NHSL1: variants seen among roughly 807,000 people sequenced by gnomAD.
NHSL1 encodes NHS like 1, also known as NHS-like protein 1.
A neutral mutation model predicts 95.0 loss-of-function variants in NHSL1; 48 were observed. The ratio of observed to expected loss-of-function variants is 0.51; its 90% CI spans 0.40 to 0.64. The LOEUF (loss-of-function observed/expected upper bound fraction) is 0.64. Ranked by LOEUF, NHSL1 falls within the 30% of genes least tolerant of loss-of-function variation. The pLI is 0.00. For missense variants in NHSL1, 1,971 were observed against 2,077.7 expected, an observed-to-expected ratio of 0.95 and a Z score of 1.00; for synonymous variants, 783 against 833.9, an observed-to-expected ratio of 0.94 and a Z score of 1.05.
chr6:138,569,642 C>A (rs1178222248), intron 1 of NHSL1, among the ~76,000 whole-genome samples: 2 of 152,192 alleles, frequency 1.3e-5, no homozygotes, highest in African/African-American at 4.8e-5. Flanking sequence ...CTCTTTTGAT[C>A]TGCTCACATA....
At chr6:138,584,200 T>A (rs1175319937) in intron 1 of NHSL1, among the ~76,000 whole-genome samples, 1 of 152,220 alleles carries the variant, frequency 6.6e-6, no homozygotes, top group East Asian at 1.9e-4. Context: ...GTATCTCTTA[T>A]AAACTAATTC....
rs1775069181 is a variant in NHSL1, at chr6:138,423,923, C to T, written c.*158G>A. ...CAAGTGCCAGGTGAGTCCTAAATAA[C>T]CGTTCACTCACACTGCAGGGCTGGC... On this transcript the variant is annotated 3_prime_UTR_variant, in exon 8 of 8. Coordinates refer to ENST00000343505, the MANE Select transcript of NHSL1 (RefSeq NM_001144060.2). 1 of 597,438 alleles carries T rather than the reference C, an allele frequency of 1.7e-6. No individual in the cohort carries two copies. Among genetic ancestry groups the T allele is most frequent in the Admixed American group, 4.1e-5 (1 of 24,614 alleles). 37.0% of individuals were successfully genotyped at this position (597,438 alleles called of 1,614,324 possible). A position where few individuals can be genotyped will look rare whatever the true frequency, so the allele number is the denominator to read the frequency against.
At chr6:138,672,742 G>T (rs1785389460) in intron 1 of NHSL1, among the ~76,000 whole-genome samples, 1 of 152,104 alleles carries the variant, frequency 6.6e-6, no homozygotes, top group African/African-American at 2.4e-5. Flanking sequence ...GTTTCAGCTG[G>T]GCGCAGTGGC....
upstream of NHSL1, among the ~76,000 whole-genome samples, chr6:138,547,823 C>A (rs907410228): frequency 2.0e-5 from 3 of 152,362 alleles, no homozygotes; most frequent in Admixed American, 1.3e-4. Context: ...CCACGGGACT[C>A]TCTCCATGGC....
intron 1 of NHSL1, among the ~76,000 whole-genome samples, chr6:138,667,580 G>A (rs1785311715): frequency 6.6e-6 from 1 of 152,308 alleles, no homozygotes; most frequent in African/African-American, 2.4e-5. Context: ...AAAAGAAAAG[G>A]AGGACAAAAT....
chr6:138,426,918 C>G (rs1268779635), intron 7 of NHSL1, among the ~76,000 whole-genome samples: 2 of 152,132 alleles, frequency 1.3e-5, no homozygotes, highest in Non-Finnish European at 2.9e-5. Flanking sequence ...CCTAACATCT[C>G]GAAACTGTAG....
rs557041603 is a variant in NHSL1, at chr6:138,466,127, C to T, written c.339+7179G>A. On this transcript the variant is annotated intron_variant, in intron 3 of 7. Coordinates refer to ENST00000343505, the MANE Select transcript of NHSL1 (RefSeq NM_001144060.2). The stretch of plus-strand genomic sequence containing the variant: ...CGATCTCAGCTCACTGCAAGCTCCG[C>T]CTCCCGGGTTCACGCCATCCTCCTG... 1.1e-3 allele frequency among the ~76,000 whole-genome samples: 171 copies of T among 151,492 alleles called. 5 individuals carry two copies. In the South Asian group the frequency reaches 0.034, roughly 30 times the overall value.
At chr6:138,478,466 T>C (rs369458349) in intron 2 of NHSL1, among the ~76,000 whole-genome samples, 8 of 152,214 alleles carry the variant, frequency 5.3e-5, no homozygotes, top group African/African-American at 1.9e-4. Context: ...CTAGAGGAAA[T>C]TCAGAAAATT....
chr6:138,573,086 C>G (rs370854649), upstream of NHSL1, among the ~76,000 whole-genome samples: 10 of 152,324 alleles, frequency 6.6e-5, no homozygotes, highest in South Asian at 1.9e-3. Flanking sequence ...TGCCGTATCA[C>G]TGGGAGCCCC....
At chr6:138,591,767 C>T (rs1284230772) in intron 1 of NHSL1, among the ~76,000 whole-genome samples, 7 of 152,078 alleles carry the variant, frequency 4.6e-5, no homozygotes, top group African/African-American at 1.7e-4. Flanking sequence ...GGTTCTAAGT[C>T]GCGTGATGAA....
intron 2 of NHSL1, among the ~76,000 whole-genome samples, chr6:138,485,583 G>A (rs1195024880): frequency 6.6e-6 from 1 of 152,056 alleles, no homozygotes; most frequent in Non-Finnish European, 1.5e-5. Context: ...ACCAAGGAAA[G>A]CACTTCTTTT....
rs1776918659 is a variant in NHSL1, at chr6:138,447,187, G to A, written c.346C>T (p.Leu116=). 1.9e-6 allele frequency: 3 copies of A among 1,550,522 alleles called. No homozygotes were observed. The highest frequency in any genetic ancestry group is 1.4e-5 in the African/African-American group (1 of 73,004). Residue 116 remains leucine, a synonymous_variant, in exon 4 of 8, where the codon CTG becomes TTG. Coordinates refer to ENST00000343505, the MANE Select transcript of NHSL1 (RefSeq NM_001144060.2). The stretch of plus-strand genomic sequence containing the variant: ...AATCTTTCTTCTTCTGATGAAGACA[G>A]AGAACACTGCAGAGAAAAAAGAAGC... ...EDEETDQKCS[L]SSSEEERFIS... is the part of the protein sequence containing the mutation.
chr6:138,447,266 T>A (rs1583187492), intron 3 of NHSL1, 73 bp from the exon 4 acceptor site: 2 of 1,289,820 alleles, frequency 1.6e-6, no homozygotes, highest in Non-Finnish European at 2.1e-6. Flanking sequence ...ATATTTCTTA[T>A]TTTTAAAAAA....
At chr6:138,575,188 C>T (rs1014428876), upstream of NHSL1, among the ~76,000 whole-genome samples, 15 of 152,128 alleles carry the variant, frequency 9.9e-5, no homozygotes, top group East Asian at 2.1e-3. Context: ...CATGAGCCAC[C>T]GTGCCTGGTC....
At chr6:138,663,237 G>A (rs1226784289) in intron 1 of NHSL1, among the ~76,000 whole-genome samples, 1 of 152,038 alleles carries the variant, frequency 6.6e-6, no homozygotes, top group Non-Finnish European at 1.5e-5. Flanking sequence ...AGCATATATG[G>A]TATGCTGTCA....
chr6:138,595,642 G>C (rs535013920), intron 1 of NHSL1, among the ~76,000 whole-genome samples: 1 of 152,114 alleles, frequency 6.6e-6, no homozygotes, highest in Non-Finnish European at 1.5e-5. Context: ...CAATATCATA[G>C]GGTAACCTGG....
At chr6:138,495,959 GC>G (rs1318610049) in intron 2 of NHSL1, among the ~76,000 whole-genome samples, 3 of 152,054 alleles carry the variant, frequency 2.0e-5, no homozygotes, top group African/African-American at 7.2e-5. Flanking sequence ...GGGGAAATTG[GC>G]CCCATGATTC....
intron 1 of NHSL1, among the ~76,000 whole-genome samples, chr6:138,640,110 A>G (rs1374313311): frequency 6.6e-6 from 1 of 152,050 alleles, no homozygotes; most frequent in Non-Finnish European, 1.5e-5. Context: ...TGAATAATCT[A>G]TAGGTCAATA....
chr6:138,680,067 C>T (rs934176353), intron 1 of NHSL1, among the ~76,000 whole-genome samples: 5 of 152,068 alleles, frequency 3.3e-5, no homozygotes, highest in Non-Finnish European at 7.4e-5. Flanking sequence ...TCATCAGAAA[C>T]ATTTTACGGC....
Sources: gnomAD v4.1 joint callset for allele counts (sites outside exome capture counted in the v4.1 genomes callset) on GRCh38, gnomAD v4.1.1 for gene constraint, MANE v1.5 for transcripts, NCBI Gene and HGNC (gene_info 2026-07-23, HGNC 2026-07-21) for gene names.